Variants in IL1RAPL1 observed in about 807,000 individuals in gnomAD.
The protein encoded by IL1RAPL1 is interleukin-1 receptor accessory protein-like 1.
A neutral mutation model predicts 48.4 loss-of-function variants in IL1RAPL1; 3 were observed. That is an observed-to-expected ratio of 0.06 (90% CI 0.03 to 0.16). The LOEUF (loss-of-function observed/expected upper bound fraction) is 0.16. Among genes scored for constraint, IL1RAPL1 ranks in the 10% least tolerant of loss-of-function variants. The probability of loss-of-function intolerance (pLI) is 1.00; values close to 1 mark genes in which losing one functional copy is unlikely to be tolerated. For synonymous variants in IL1RAPL1, 185 were observed against 187.7 expected, an observed-to-expected ratio of 0.99 and a Z score of 0.12; for missense variants, 349 against 530.6, an observed-to-expected ratio of 0.66 and a Z score of 3.36.
Position 29,379,825 on chromosome X carries a change from G to C in IL1RAPL1, c.363-16433G>C, listed in dbSNP as rs1933671967. Among the ~76,000 whole-genome samples, 4 of 111,125 alleles carry C rather than the reference G, an allele frequency of 3.6e-5. No individual in the cohort carries two copies. In the South Asian group the frequency reaches 1.5e-3, roughly 42 times the overall value. ...ATTTTGGTCCCTCTTGGCGGGAACAGTGCTTTCTAGCTGTGTCTAGTAAGC... is the reference window on the plus strand; with the variant it reads ...ATTTTGGTCCCTCTTGGCGGGAACACTGCTTTCTAGCTGTGTCTAGTAAGC... On this transcript the variant is annotated intron_variant, in intron 3 of 10. Transcript: ENST00000378993.
chrX:29,510,656 G>A (rs1350119643), intron 5 of IL1RAPL1, among the ~76,000 whole-genome samples: 1 of 111,407 alleles, frequency 9.0e-6, no homozygotes, highest in East Asian at 2.8e-4. Context: ...ATGTGACATT[G>A]CCCATAGACT....
chrX:29,279,513 C>G (rs1932169214), intron 2 of IL1RAPL1, among the ~76,000 whole-genome samples: 1 of 111,285 alleles, frequency 9.0e-6, no homozygotes, highest in Non-Finnish European at 1.9e-5. Flanking sequence ...CATCTTTTCC[C>G]AGGAATTATT....
chrX:29,918,299 G>T (rs1932819578), intron 7 of IL1RAPL1, among the ~76,000 whole-genome samples: 1 of 95,009 alleles, frequency 1.1e-5, no homozygotes, highest in East Asian at 3.3e-4. Flanking sequence ...CTGAGGTCAA[G>T]AGTTTGAGAC....
intron 1 of IL1RAPL1, among the ~76,000 whole-genome samples, chrX:28,787,105 A>C (rs188012117): frequency 5.3e-4 from 59 of 112,354 alleles, no homozygotes; most frequent in Non-Finnish European, 9.2e-4. Context: ...GATATTACCA[A>C]ATTGATGCTT....
At chrX:29,464,766 A>G (rs898583326) in intron 5 of IL1RAPL1, among the ~76,000 whole-genome samples, 1 of 112,105 alleles carries the variant, frequency 8.9e-6, no homozygotes. Context: ...AGAATGAGAT[A>G]TTGTCCTTTG....
rs1326316714 is a variant in IL1RAPL1, at chrX:29,755,115, T to C, written c.778+86611T>C. Among the ~76,000 whole-genome samples the C allele has an allele frequency of 3.5e-5, 4 of 112,690 alleles. No homozygotes were observed. The East Asian group carries it at 1.1e-3, about 32-fold the overall frequency. ...GTTCCTTACTACAAGGGCTTCTCTA[T>C]AGGCAGCTGCCTCATAAGTATGGCA... On this transcript the variant is annotated intron_variant, in intron 6 of 10. Transcript: ENST00000378993.
chrX:29,678,139 A>G (rs1046682059), intron 6 of IL1RAPL1, among the ~76,000 whole-genome samples: 4 of 110,699 alleles, frequency 3.6e-5, no homozygotes, highest in Admixed American at 9.7e-5. Context: ...TTTTAAATAT[A>G]AAAGTATGTA....
chrX:29,511,034 A>G (rs1014792764), intron 5 of IL1RAPL1, among the ~76,000 whole-genome samples: 3 of 111,409 alleles, frequency 2.7e-5, no homozygotes, highest in South Asian at 3.8e-4. Flanking sequence ...ATCTCTACCC[A>G]TGGATATTAT....
At chrX:29,076,687 C>G (rs770810013) in intron 2 of IL1RAPL1, among the ~76,000 whole-genome samples, 3 of 111,009 alleles carry the variant, frequency 2.7e-5, no homozygotes, top group Non-Finnish European at 5.7e-5. Flanking sequence ...AGGTCATAAA[C>G]CTCATTACTT....
intron 2 of IL1RAPL1, among the ~76,000 whole-genome samples, chrX:29,060,673 C>G (rs896780051): frequency 9.0e-6 from 1 of 111,701 alleles, no homozygotes; most frequent in Non-Finnish European, 1.9e-5. Context: ...TAAATTTAAA[C>G]TCTGATGAAA....
chrX:29,182,545 G>A (rs775742202), intron 2 of IL1RAPL1, among the ~76,000 whole-genome samples: 2 of 108,022 alleles, frequency 1.9e-5, no homozygotes, highest in South Asian at 8.0e-4. Context: ...TTTATATTAC[G>A]TGGAGTTAAA....
chrX:28,666,866 C>T (rs1934885838), intron 1 of IL1RAPL1, among the ~76,000 whole-genome samples: 1 of 111,386 alleles, frequency 9.0e-6, no homozygotes, highest in African/African-American at 3.3e-5. Flanking sequence ...TATACCTTTC[C>T]TCGAGAAAGT....
intron 5 of IL1RAPL1, among the ~76,000 whole-genome samples, chrX:29,479,404 G>A (rs1242142946): frequency 3.2e-5 from 1 of 31,171 alleles, no homozygotes; most frequent in African/African-American, 1.8e-4. Context: ...GACAGAGCGA[G>A]ACCCTGTCTC....
intron 2 of IL1RAPL1, among the ~76,000 whole-genome samples, chrX:29,065,595 C>T (rs776767485): frequency 9.0e-6 from 1 of 111,488 alleles, no homozygotes; most frequent in South Asian, 3.7e-4. Flanking sequence ...AGCTTTCAGC[C>T]GTATTTTTAT....
At chrX:29,048,457 AG>A (rs1927023154) in intron 2 of IL1RAPL1, among the ~76,000 whole-genome samples, 1 of 112,052 alleles carries the variant, frequency 8.9e-6, no homozygotes, top group South Asian at 3.7e-4. Context: ...AGTCTTTCAC[AG>A]GCTTTTACAT....
rs1471104488 is a variant in IL1RAPL1, at chrX:29,240,215, TATATA to T, written c.83-42722_83-42718del. Among the ~76,000 whole-genome samples the T allele has an allele frequency of 8.0e-3, 220 of 27,495 alleles. 1 individual carries two copies. Among genetic ancestry groups the T allele is most frequent in the Middle Eastern group, 0.014 (1 of 69 alleles). The allele number at this position is 27,495 out of a possible 115,157, so 23.9% of individuals were successfully genotyped here. A position where few individuals can be genotyped will look rare whatever the true frequency, so the allele number is the denominator to read the frequency against. ...ACACACATATATATATATATATATA[TATATA>T]TATATTTTTTTTTTTTTTTTTTTTT... On this transcript the variant is annotated intron_variant, in intron 2 of 10. Transcript: ENST00000378993.
intron 2 of IL1RAPL1, among the ~76,000 whole-genome samples, chrX:28,911,936 C>T (rs1450719177): frequency 1.9e-5 from 2 of 105,884 alleles, no homozygotes; most frequent in Non-Finnish European, 3.9e-5. Flanking sequence ...GTGTAGAGAG[C>T]TTTAAGTGTA....
intron 5 of IL1RAPL1, among the ~76,000 whole-genome samples, chrX:29,476,192 T>G (rs1177296312): frequency 9.0e-6 from 1 of 111,549 alleles, no homozygotes; most frequent in African/African-American, 3.3e-5. Context: ...TACCTACAAA[T>G]TCTATGATTT....
chrX:28,997,581 A>G (rs1925753218), intron 2 of IL1RAPL1, among the ~76,000 whole-genome samples: 1 of 111,708 alleles, frequency 9.0e-6, no homozygotes, highest in South Asian at 3.8e-4. Flanking sequence ...AGCATACTAT[A>G]TAAATCCTAA....
Sources: gnomAD v4.1 joint callset for allele counts (sites outside exome capture counted in the v4.1 genomes callset) on GRCh38, gnomAD v4.1.1 for gene constraint, MANE v1.5 for transcripts, NCBI Gene and HGNC (gene_info 2026-07-23, HGNC 2026-07-21) for gene names.